TRIM37: variants seen among roughly 807,000 people sequenced by gnomAD.
TRIM37 encodes E3 ubiquitin-protein ligase TRIM37.
A neutral mutation model predicts 129.8 loss-of-function variants in TRIM37; 80 were observed. The observed-to-expected ratio is 0.62, with a 90% CI of 0.51 to 0.74. The LOEUF is 0.74. TRIM37 is among the 30% of genes least tolerant of loss of function. TRIM37 has a pLI of 0.00. For missense variants in TRIM37, 1,054 were observed against 1,176.5 expected (o/e 0.90, Z 1.52); for synonymous variants, 389 against 387.1 (o/e 1.00, Z -0.06).
At chr17:59,029,423 A>G (rs1052726424) in intron 18 of TRIM37, among the ~76,000 whole-genome samples, 1 of 152,178 alleles carries the variant, frequency 6.6e-6, no homozygotes, top group African/African-American at 2.4e-5. Flanking sequence ...AAGTCCTTTC[A>G]TAGAATGGAC....
At chr17:58,980,475 A>G, downstream of TRIM37, 7 of 1,614,148 alleles carry the variant, frequency 4.3e-6, no homozygotes, top group Non-Finnish European at 5.9e-6. The surrounding 1 kb of genome is among the most constrained non-coding windows in gnomAD (Gnocchi z 4.7). Flanking sequence ...GGCTACCTAG[A>G]TCTCACACAA....
At chr17:58,975,567 G>C in the TRIM37 span, among the ~76,000 whole-genome samples, 1 of 152,154 alleles carries the variant, frequency 6.6e-6, no homozygotes, top group African/African-American at 2.4e-5. Context: ...AATGTGCTGG[G>C]AAGGAAATCC....
intron 21 of TRIM37, among the ~76,000 whole-genome samples, chr17:59,013,057 A>G: frequency 6.6e-6 from 1 of 152,176 alleles, no homozygotes; most frequent in East Asian, 1.9e-4. Context: ...ATGTGAACCT[A>G]TAATTAGCTC....
At chr17:59,032,832 T>C (rs2038039489) in intron 17 of TRIM37, among the ~76,000 whole-genome samples, 1 of 152,166 alleles carries the variant, frequency 6.6e-6, no homozygotes, top group Non-Finnish European at 1.5e-5. Flanking sequence ...CCCAAGTCTC[T>C]GGACAGTAAA....
intron 12 of TRIM37, among the ~76,000 whole-genome samples, chr17:59,058,589 G>A (rs969344622): frequency 2.0e-5 from 3 of 152,206 alleles, no homozygotes; most frequent in African/African-American, 7.2e-5. Context: ...TGGACACAGT[G>A]GCTAACACCT....
intron 2 of TRIM37, among the ~76,000 whole-genome samples, chr17:59,103,124 C>T (rs543499726): frequency 6.6e-6 from 1 of 152,214 alleles, no homozygotes; most frequent in South Asian, 2.1e-4. Context: ...CCACACACCT[C>T]AGCCTCCCAA....
chr17:59,079,886 TAA>T lies in TRIM37; in HGVS notation c.493-11_493-10del. The stretch of plus-strand genomic sequence containing the variant: ...GCTTCTACATTCCTTTCCTAGAAGA[TAA>T]AGAGGTAAGAATAATTTTAATTGGG... On this transcript the variant is annotated splice_polypyrimidine_tract_variant and intron_variant, in intron 6 of 23. Transcript: ENST00000262294. 2.5e-6 allele frequency: 4 copies of T among 1,613,416 alleles called. No individual in the cohort carries two copies.
rs61758100 is a variant in TRIM37 at position 59,081,191 on chromosome 17, G to C, written c.398C>G (p.Ala133Gly). Residue 133 changes from alanine to glycine, a missense_variant, in exon 6 of 24, where the codon GCA becomes GGA. Transcript: ENST00000262294. ...AGTGACGTGTTGCTCATAAATTTCT[G>C]CCAAAGGTTTAAAGGTATGTCCGCC... ...MHGGHTFKPL[A>G]EIYEQHVTKV... The C allele has an allele frequency of 2.9e-5, 46 of 1,613,664 alleles. No individual in the cohort carries two copies. The highest frequency in any genetic ancestry group is 3.6e-5 in the Non-Finnish European group (43 of 1,179,876).
the TRIM37 span, among the ~76,000 whole-genome samples, chr17:58,974,302 G>A: frequency 6.6e-6 from 1 of 152,274 alleles, no homozygotes; most frequent in East Asian, 1.9e-4. Context: ...AAGTTGATAG[G>A]AAAAGCATTG....
intron 5 of TRIM37, among the ~76,000 whole-genome samples, chr17:59,081,907 A>G (rs34817776): frequency 7.3e-6 from 1 of 136,918 alleles, no homozygotes; most frequent in Middle Eastern, 3.7e-3. Flanking sequence ...TGTCCCCCCC[A>G]AAAAATAATA....
At chr17:58,989,349 T>C (rs2032128694) in intron 24 of TRIM37, among the ~76,000 whole-genome samples, 1 of 151,990 alleles carries the variant, frequency 6.6e-6, no homozygotes, top group Non-Finnish European at 1.5e-5. Flanking sequence ...GGCAGGAGAA[T>C]CGCTTGAACC....
At chr17:59,052,133 G>A (rs1287206699) in intron 13 of TRIM37, among the ~76,000 whole-genome samples, 1 of 149,818 alleles carries the variant, frequency 6.7e-6, no homozygotes, top group Admixed American at 6.7e-5. Context: ...GCTTAGGTTA[G>A]GAAAAAAAGT....
chr17:59,019,398 C>T (rs1325888782), intron 19 of TRIM37, among the ~76,000 whole-genome samples: 1 of 152,132 alleles, frequency 6.6e-6, no homozygotes, highest in African/African-American at 2.4e-5. Flanking sequence ...TAGAAGACCT[C>T]ATATGGTATG....
At chr17:58,980,755 TTC>T (rs1415245503), downstream of TRIM37, 1 of 1,614,112 alleles carries the variant, frequency 6.2e-7, no homozygotes, top group South Asian at 1.1e-5. The surrounding 1 kb of genome is among the most constrained non-coding windows in gnomAD (Gnocchi z 4.7). Flanking sequence ...GAAACAGAGT[TTC>T]TAGATTGTCT....
intron 24 of TRIM37, chr17:58,984,128 A>G (rs1483863561): frequency 6.6e-6 from 1 of 152,650 alleles, no homozygotes; most frequent in East Asian, 1.9e-4. Flanking sequence ...TTGTCCTTGA[A>G]TTATTATGAT....
At chr17:58,978,070 T>C (rs1229500148), downstream of TRIM37, among the ~76,000 whole-genome samples, 1 of 152,198 alleles carries the variant, frequency 6.6e-6, no homozygotes, top group Non-Finnish European at 1.5e-5. Context: ...TAACAGATAC[T>C]AGAAATAATG....
chr17:58,973,672 G>T, the TRIM37 span, among the ~76,000 whole-genome samples: 1 of 151,812 alleles, frequency 6.6e-6, no homozygotes, highest in Admixed American at 6.6e-5. Context: ...AAAAACAAAG[G>T]CCGGGCGCAG....
chr17:59,040,843 A>C (rs28602902), intron 17 of TRIM37, among the ~76,000 whole-genome samples: 1 of 151,228 alleles, frequency 6.6e-6, no homozygotes, highest in African/African-American at 2.4e-5. Flanking sequence ...TCAGGAGATC[A>C]AGACCATCCT....
At chr17:58,987,742 AT>A (rs775110209) in intron 24 of TRIM37, among the ~76,000 whole-genome samples, 8 of 152,320 alleles carry the variant, frequency 5.3e-5, no homozygotes, top group Non-Finnish European at 8.8e-5. Context: ...TATTTCCCAA[AT>A]TTTTCTAATC....
Sources: gnomAD v4.1 joint callset for allele counts (sites outside exome capture counted in the v4.1 genomes callset) on GRCh38, gnomAD v4.1.1 for gene constraint, Gnocchi (gnomAD v3.1) non-coding constraint, MANE v1.5 for transcripts, NCBI Gene and HGNC (gene_info 2026-07-23, HGNC 2026-07-21) for gene names.